Variants in ZCCHC14 observed in about 807,000 individuals in gnomAD.
The protein encoded by ZCCHC14 is zinc finger CCHC-type containing 14.
In ZCCHC14, 16 loss-of-function variants were observed where a neutral mutation model predicts 85.0. The observed-to-expected ratio is 0.19, with a 90% CI of 0.13 to 0.29. The LOEUF (loss-of-function observed/expected upper bound fraction) is 0.29, where lower values mean the gene tolerates loss of function less well. ZCCHC14 is among the 10% of genes least tolerant of loss of function. The probability of loss-of-function intolerance (pLI) is 1.00; values close to 1 mark genes in which losing one functional copy is unlikely to be tolerated. For synonymous variants in ZCCHC14, 775 were observed against 630.7 expected (o/e 1.23, Z -3.43); for missense variants, 1,303 against 1,443.5 (o/e 0.90, Z 1.58).
intron 7 of ZCCHC14, 134 bp from the exon 8 acceptor site, chr16:87,417,876 T>G (rs1454765649): frequency 1.8e-6 from 2 of 1,093,806 alleles, no homozygotes; most frequent in Middle Eastern, 3.1e-4. Context: ...CAGGCCACCC[T>G]GAACTGCCAA....
At chr16:87,479,079 G>C (rs917624011) in intron 1 of ZCCHC14, among the ~76,000 whole-genome samples, 1 of 151,968 alleles carries the variant, frequency 6.6e-6, no homozygotes. Flanking sequence ...AATCCTTCTA[G>C]CACTAGTTCC....
chr16:87,490,866 G>A (rs1466905355), intron 1 of ZCCHC14, among the ~76,000 whole-genome samples: 1 of 152,202 alleles, frequency 6.6e-6, no homozygotes, highest in African/African-American at 2.4e-5. Flanking sequence ...CAGCATGCAC[G>A]TGTCCATAAA....
At chr16:87,484,411 GT>G (rs1215022943) in intron 1 of ZCCHC14, among the ~76,000 whole-genome samples, 1 of 152,180 alleles carries the variant, frequency 6.6e-6, no homozygotes, top group Non-Finnish European at 1.5e-5. Flanking sequence ...TGTCAAAGAG[GT>G]TCGAGGCAAA....
chr16:87,438,148 G>A (rs1437433967), intron 2 of ZCCHC14, among the ~76,000 whole-genome samples: 2 of 152,244 alleles, frequency 1.3e-5, no homozygotes, highest in Non-Finnish European at 2.9e-5. Flanking sequence ...CAGCAACCGG[G>A]CACGCGCTCC....
chr16:87,434,059 T>A (rs1909793199), intron 2 of ZCCHC14, among the ~76,000 whole-genome samples: 1 of 152,164 alleles, frequency 6.6e-6, no homozygotes, highest in Non-Finnish European at 1.5e-5. Flanking sequence ...AGAGCCGGGC[T>A]GCAGTGAATG....
Position 87,492,890 on chromosome 16 carries a change from A to C in ZCCHC14, c.-652T>G, listed in dbSNP as rs1228426057. On this transcript the variant is annotated 5_prime_UTR_variant, in exon 1 of 13. Transcript: ENST00000671377. This position sits in a 1 kb window ranked among gnomAD's most constrained non-coding sequence, Gnocchi z 6.7. ...CGGCCTTGCTGCTCCCGCGCGGCGGACGGATCCGGGCCCGAGCGCGGCGGC... is the reference window on the plus strand; with the variant it reads ...CGGCCTTGCTGCTCCCGCGCGGCGGCCGGATCCGGGCCCGAGCGCGGCGGC... 6.8e-6 allele frequency among the ~76,000 whole-genome samples: 1 copy of C among 146,858 alleles called. No individual in the cohort carries two copies. Among genetic ancestry groups the C allele is most frequent in the Non-Finnish European group, 1.5e-5 (1 of 66,210 alleles).
chr16:87,432,452 A>T (rs114082176), intron 3 of ZCCHC14, among the ~76,000 whole-genome samples: 216 of 152,254 alleles, frequency 1.4e-3, no homozygotes, highest in African/African-American at 5.1e-3. Flanking sequence ...ACGCGTGAGG[A>T]CTGGTGCCCT....
At chr16:87,475,730 G>C (rs555700199) in intron 1 of ZCCHC14, among the ~76,000 whole-genome samples, 1 of 152,202 alleles carries the variant, frequency 6.6e-6, no homozygotes, top group African/African-American at 2.4e-5. Flanking sequence ...AAAAAGATCT[G>C]AAAGGAAAAC....
chr16:87,476,737 TG>T (rs1308382041), intron 1 of ZCCHC14, among the ~76,000 whole-genome samples: 1 of 75,260 alleles, frequency 1.3e-5, no homozygotes, highest in Non-Finnish European at 2.4e-5. Context: ...GGCCTGGGGG[TG>T]GGGGGTGGGA....
chr16:87,489,657 G>A (rs1912662339), intron 1 of ZCCHC14, among the ~76,000 whole-genome samples: 1 of 152,186 alleles, frequency 6.6e-6, no homozygotes, highest in African/African-American at 2.4e-5. Flanking sequence ...TAAATTCAGC[G>A]CCCATGGCCT....
intron 1 of ZCCHC14, among the ~76,000 whole-genome samples, chr16:87,485,959 C>A (rs1358800364): frequency 6.6e-6 from 1 of 152,136 alleles, no homozygotes; most frequent in East Asian, 1.9e-4. Flanking sequence ...ACAAATGATA[C>A]CATCGTATTA....
intron 1 of ZCCHC14, chr16:87,467,727 C>A: frequency 1.6e-6 from 1 of 619,006 alleles, no homozygotes; most frequent in Non-Finnish European, 2.9e-6. Flanking sequence ...TCTTGGCTCA[C>A]TGCAAGCTCC....
rs574301411 is a variant in ZCCHC14 at position 87,408,812 on chromosome 16, G to A, written c.*1468C>T. Reference sequence around the variant, plus strand: ...ACATCAATTTTTCATGAGGCTGATTGTCCCATTTTAAGAATAGTCTGAATA... The same window carrying A: ...ACATCAATTTTTCATGAGGCTGATTATCCCATTTTAAGAATAGTCTGAATA... On this transcript the variant is annotated 3_prime_UTR_variant, in exon 13 of 13. Transcript: ENST00000671377. The A allele has an allele frequency of 3.9e-5, 6 of 152,486 alleles. No homozygotes were observed. The East Asian group carries it at 1.2e-3, about 29-fold the overall frequency. 9.4% of individuals were successfully genotyped at this position (152,486 alleles called of 1,614,324 possible). A position where few individuals can be genotyped will look rare whatever the true frequency, so the allele number is the denominator to read the frequency against.
In ZCCHC14 at chr16:87,491,910, G is replaced by C; in HGVS notation, c.329C>G (p.Thr110Arg). ...GTTGTGGATGATGGAGTCGATGTGC[G>C]TGAGCGTGCGGTAGAGCACGCCCGC... Reference protein sequence around the residue: ...EAAGVLYRTLTHIDSIIHNYG... With the variant: ...EAAGVLYRTLRHIDSIIHNYG... The change falls in exon 1 of 13, where the codon ACG becomes AGG. Residue 110 changes from threonine (T) to arginine (R), a missense_variant. Physicochemically the swap from Thr to Arg is moderately conservative, Grantham distance 71. Coordinates refer to ENST00000671377, the MANE Select transcript of ZCCHC14 (RefSeq NM_015144.3). This position sits in a 1 kb window ranked among gnomAD's most constrained non-coding sequence, Gnocchi z 5.9. 1 of 1,514,422 alleles carries C rather than the reference G, an allele frequency of 6.6e-7. No homozygotes were observed. The highest frequency in any genetic ancestry group is 8.8e-7 in the Non-Finnish European group (1 of 1,139,276). 93.8% of individuals were successfully genotyped at this position (1,514,422 alleles called of 1,614,324 possible). A position where few individuals can be genotyped will look rare whatever the true frequency, so the allele number is the denominator to read the frequency against.
chr16:87,451,403 G>T (rs549368212), intron 2 of ZCCHC14, among the ~76,000 whole-genome samples: 1 of 137,508 alleles, frequency 7.3e-6, no homozygotes, highest in Non-Finnish European at 1.6e-5. Flanking sequence ...TCACCATGTT[G>T]ATCAGACTGG....
chr16:87,448,943 T>C (rs1910564425), intron 2 of ZCCHC14, among the ~76,000 whole-genome samples: 1 of 152,200 alleles, frequency 6.6e-6, no homozygotes, highest in African/African-American at 2.4e-5. Flanking sequence ...TAAGACTCAC[T>C]GCGGACATCA....
chr16:87,446,704 T>C (rs1910456036), intron 2 of ZCCHC14, among the ~76,000 whole-genome samples: 1 of 152,096 alleles, frequency 6.6e-6, no homozygotes, highest in Non-Finnish European at 1.5e-5. Flanking sequence ...TTTCTTTTTT[T>C]TTTGAGATAG....
chr16:87,488,072 T>C (rs116873578), intron 1 of ZCCHC14, among the ~76,000 whole-genome samples: 2,532 of 152,276 alleles, frequency 0.017, 25 homozygotes, highest in Middle Eastern at 0.048. Flanking sequence ...TATATGACTA[T>C]ACTAAAAACC....
At chr16:87,460,551 G>A (rs917735510) in intron 1 of ZCCHC14, among the ~76,000 whole-genome samples, 3 of 152,222 alleles carry the variant, frequency 2.0e-5, no homozygotes, top group South Asian at 2.1e-4. Flanking sequence ...TTAGCCAGGC[G>A]TGATGGCAAG....
Sources: gnomAD v4.1 joint callset for allele counts (sites outside exome capture counted in the v4.1 genomes callset) on GRCh38, gnomAD v4.1.1 for gene constraint, Gnocchi (gnomAD v3.1) non-coding constraint, MANE v1.5 for transcripts, NCBI Gene and HGNC (gene_info 2026-07-23, HGNC 2026-07-21) for gene names.